P2RX7: variants seen among roughly 807,000 people sequenced by gnomAD.
P2RX7 encodes P2X purinoceptor 7.
In P2RX7, 62 loss-of-function variants were observed where a neutral mutation model predicts 71.6. That is an observed-to-expected ratio of 0.87 (90% CI 0.71 to 1.07). The LOEUF is 1.07. Among genes scored for constraint, P2RX7 ranks in the 50% least tolerant of loss-of-function variants. The probability of loss-of-function intolerance (pLI) is 0.00; values close to 1 mark genes in which losing one functional copy is unlikely to be tolerated. For missense variants in P2RX7, 686 were observed against 748.5 expected, an observed-to-expected ratio of 0.92 and a Z score of 0.97; for synonymous variants, 299 against 283.3, an observed-to-expected ratio of 1.06 and a Z score of -0.56.
chr12:121,137,535 T>TA (rs1873949738), intron 1 of P2RX7, among the ~76,000 whole-genome samples: 1 of 152,216 alleles, frequency 6.6e-6, no homozygotes, highest in South Asian at 2.1e-4. Context: ...TTTTAAAATA[T>TA]AAAATGGAAG....
rs564944439 is a variant in P2RX7, at chr12:121,160,293, G to A, written c.364-609G>A. The stretch of plus-strand genomic sequence containing the variant: ...CCCCCTAGTAGCTGGGATTACAGGC[G>A]CACACCACCACATCTGATAATTTTT... On this transcript the variant is annotated intron_variant, in intron 3 of 12. Transcript: ENST00000328963. Among the ~76,000 whole-genome samples the A allele has an allele frequency of 1.7e-4, 26 of 152,074 alleles. 1 individual carries two copies. Among genetic ancestry groups the A allele is most frequent in the South Asian group, 1.0e-3 (5 of 4,818 alleles).
chr12:121,169,630 G>A (rs1337743960), intron 8 of P2RX7, among the ~76,000 whole-genome samples: 1 of 152,180 alleles, frequency 6.6e-6, no homozygotes, highest in Non-Finnish European at 1.5e-5. Flanking sequence ...GACAGGCCAG[G>A]TGCGGTGGCT....
rs563260409 is a variant in P2RX7 at position 121,187,551 on chromosome 12, A to T, written c.*2749A>T. ...GCCTTATTCCTAGTATGTTTCTATC[A>T]CCTTAATGAGGCCGCAGATGGAGTC... On this transcript the variant is annotated 3_prime_UTR_variant, in exon 13 of 13. Transcript: ENST00000328963. The T allele has an allele frequency of 6.6e-6, 1 of 152,170 alleles. No homozygotes were observed. Among genetic ancestry groups the T allele is most frequent in the African/African-American group, 2.4e-5 (1 of 41,512 alleles). 9.4% of individuals were successfully genotyped at this position (152,170 alleles called of 1,614,324 possible).
At chr12:121,140,539 G>A (rs1179411736) in intron 1 of P2RX7, among the ~76,000 whole-genome samples, 1 of 152,146 alleles carries the variant, frequency 6.6e-6, no homozygotes, top group Non-Finnish European at 1.5e-5. Context: ...GGAGAGAGGT[G>A]GACAAAGCTG....
At chr12:121,159,979 C>A (rs1879326856) in intron 3 of P2RX7, among the ~76,000 whole-genome samples, 1 of 152,194 alleles carries the variant, frequency 6.6e-6, no homozygotes, top group Non-Finnish European at 1.5e-5. Context: ...GGATATAATT[C>A]ACATACCATA....
chr12:121,149,095 T>A lies in P2RX7; in HGVS notation c.126-5690T>A. 1 of 577,062 alleles carries A rather than the reference T, an allele frequency of 1.7e-6. No homozygotes were observed. 35.7% of individuals were successfully genotyped at this position (577,062 alleles called of 1,614,324 possible). ...TCTAACCATGCTGGCATGGGGCCCA[T>A]CCCACCTGTGATGCCAGTGTAAGTC... On this transcript the variant is annotated intron_variant, in intron 1 of 12. Coordinates refer to ENST00000328963, the MANE Select transcript of P2RX7 (RefSeq NM_002562.6). This position sits in a 1 kb window ranked among gnomAD's most constrained non-coding sequence, Gnocchi z 4.7.
chr12:121,160,208 C>T (rs542486871), intron 3 of P2RX7, among the ~76,000 whole-genome samples: 6 of 151,514 alleles, frequency 4.0e-5, no homozygotes, highest in East Asian at 3.9e-4. Context: ...AGTGCAGTGA[C>T]GCAATCTCAG....
chr12:121,147,599 T>TGTTG lies in P2RX7; in HGVS notation c.126-7186_126-7185insGTTG, dbSNP rs1555223829. ...ACAAAATGCAAAATGGGCAGTTTTT[T>TGTTG]TTGTTGTTGTTTGTTTGTTTGTTTG... On this transcript the variant is annotated intron_variant, in intron 1 of 12. Transcript: ENST00000328963. Among the ~76,000 whole-genome samples the TGTTG allele has an allele frequency of 4.6e-5, 7 of 151,664 alleles. No individual in the cohort carries two copies. In the South Asian group the frequency reaches 6.3e-4, roughly 14 times the overall value.
At position 121,166,099 on chromosome 12, in the gene P2RX7, A is replaced by G; in HGVS notation, c.656A>G (p.His219Arg). ...GGTTTAAACATCACTTGTACCTTCC[A>G]CAAGACTCAGAATCCACAGTGTCCC... Reference protein sequence around the residue: ...LPGLNITCTFHKTQNPQCPIF... With the variant: ...LPGLNITCTFRKTQNPQCPIF... Residue 219 changes from histidine (H) to arginine (R), a missense_variant, in exon 7 of 13, where the codon CAC (histidine) becomes CGC (arginine). By Grantham distance (29) the His-to-Arg change is conservative. Transcript: ENST00000328963. The G allele has an allele frequency of 6.2e-7, 1 of 1,613,892 alleles. No homozygotes were observed. The highest frequency in any genetic ancestry group is 1.1e-5 in the South Asian group (1 of 91,076).
intron 8 of P2RX7, among the ~76,000 whole-genome samples, chr12:121,172,863 T>C (rs1028415255): frequency 2.0e-5 from 3 of 152,208 alleles, no homozygotes; most frequent in Non-Finnish European, 4.4e-5. Context: ...TGCCATCTGC[T>C]TTCTTCTCTC....
chr12:121,167,315 T>C (rs943168116), intron 7 of P2RX7, among the ~76,000 whole-genome samples, 173 bp from the exon 8 acceptor site: 4 of 152,076 alleles, frequency 2.6e-5, no homozygotes, highest in African/African-American at 9.7e-5. Flanking sequence ...GGAGATGCGA[T>C]TGTGGCTGCC....
At chr12:121,141,942 A>G (rs2135992251) in intron 1 of P2RX7, among the ~76,000 whole-genome samples, 1 of 152,254 alleles carries the variant, frequency 6.6e-6, no homozygotes, top group East Asian at 1.9e-4. Context: ...TTCCAAACAT[A>G]TGCCCCAGGC....
Position 121,177,687 on chromosome 12 carries a change from CATTTATTTATTT to C in P2RX7, c.1188+278_1188+289del, listed in dbSNP as rs140201550. Among the ~76,000 whole-genome samples the C allele has an allele frequency of 8.7e-3, 1,244 of 142,424 alleles. 11 individuals carry two copies. Among genetic ancestry groups the C allele is most frequent in the African/African-American group, 0.024 (945 of 38,742 alleles). 93.4% of individuals were successfully genotyped at this position (142,424 alleles called of 152,430 possible). A position where few individuals can be genotyped will look rare whatever the true frequency, so the allele number is the denominator to read the frequency against. ...TATGTCTAGGACTTGCCAATTTTGTCATTTATTTATTTATTTATTTATTTATTTATTTATTTA... is the reference window on the plus strand; with the variant it reads ...TATGTCTAGGACTTGCCAATTTTGTCATTTATTTATTTATTTATTTATTTA... On this transcript the variant is annotated intron_variant, in intron 11 of 12. Coordinates refer to ENST00000328963, the MANE Select transcript of P2RX7 (RefSeq NM_002562.6).
At chr12:121,155,388 CAAAG>C (rs1218548454) in intron 2 of P2RX7, 1 of 1,291,716 alleles carries the variant, frequency 7.7e-7, no homozygotes, top group Non-Finnish European at 1.0e-6. Flanking sequence ...CATTTTTCCA[CAAAG>C]AAAGGATGTA....
chr12:121,182,500 A>G (rs1357154216), intron 12 of P2RX7, among the ~76,000 whole-genome samples: 1 of 152,244 alleles, frequency 6.6e-6, no homozygotes, highest in Non-Finnish European at 1.5e-5. Context: ...CCTAGGCTGC[A>G]AACCTGTACA....
In P2RX7 at chr12:121,154,047, C is replaced by T. The variant is rs560147706; in HGVS notation, c.126-738C>T. Among the ~76,000 whole-genome samples the T allele has an allele frequency of 6.6e-6, 1 of 151,794 alleles. No individual in the cohort carries two copies. The highest frequency in any genetic ancestry group is 2.1e-4 in the South Asian group (1 of 4,816). On this transcript the variant is annotated intron_variant, in intron 1 of 12. Coordinates refer to ENST00000328963, the MANE Select transcript of P2RX7 (RefSeq NM_002562.6). The surrounding 1 kb of genome is among the most constrained non-coding windows in gnomAD (Gnocchi z 4.2). ...TGAGGTGGGAGGATCAACTTGAGCT[C>T]GGGAGTTGGAGGCTGCAGTGAGCTA...
At chr12:121,133,233 G>A (rs1872799073) in intron 1 of P2RX7, 138 bp downstream of exon 1, 2 of 988,934 alleles carry the variant, frequency 2.0e-6, no homozygotes, top group African/African-American at 1.6e-5. Flanking sequence ...CAGCTGGGCG[G>A]GAGGGAGGAA....
At chr12:121,146,202 G>C (rs923289996) in intron 1 of P2RX7, among the ~76,000 whole-genome samples, 1 of 151,172 alleles carries the variant, frequency 6.6e-6, no homozygotes, top group Non-Finnish European at 1.5e-5. Flanking sequence ...CCCATCCTAC[G>C]GGCCCTGTGC....
intron 1 of P2RX7, among the ~76,000 whole-genome samples, chr12:121,150,274 A>G (rs556807625): frequency 6.6e-6 from 1 of 152,332 alleles, no homozygotes; most frequent in South Asian, 2.1e-4. Context: ...GTTCATGATG[A>G]CACAGAGACA....
Sources: gnomAD v4.1 joint callset for allele counts (sites outside exome capture counted in the v4.1 genomes callset) on GRCh38, gnomAD v4.1.1 for gene constraint, Gnocchi (gnomAD v3.1) non-coding constraint, MANE v1.5 for transcripts, NCBI Gene and HGNC (gene_info 2026-07-23, HGNC 2026-07-21) for gene names.